The following PARP12 variants were observed in gnomAD, a reference collection of about 807,000 sequenced individuals.
PARP12 encodes protein mono-ADP-ribosyltransferase PARP12.
PARP12 carries 59 observed loss-of-function variants against 72.4 expected under a neutral mutation model. The observed-to-expected ratio is 0.81, with a 90% confidence interval of 0.66 to 1.01. PARP12 has a LOEUF of 1.01. PARP12 is among the 50% of genes least tolerant of loss of function. The probability of loss-of-function intolerance (pLI) is 0.00; values close to 1 mark genes in which losing one functional copy is unlikely to be tolerated. For missense variants in PARP12, 851 were observed against 914.0 expected (o/e 0.93, Z 0.89); for synonymous variants, 403 against 371.4 (o/e 1.09, Z -0.98).
chr7:140,030,781 A>G (rs1475679132), intron 8 of PARP12, among the ~76,000 whole-genome samples: 1 of 152,168 alleles, frequency 6.6e-6, no homozygotes, highest in Non-Finnish European at 1.5e-5. Context: ...TTAAAACATT[A>G]TGAGATTTTC....
At chr7:140,043,522 C>CT (rs1220730128) in intron 5 of PARP12, among the ~76,000 whole-genome samples, 7 of 151,932 alleles carry the variant, frequency 4.6e-5, no homozygotes, top group South Asian at 2.1e-4. Flanking sequence ...TTTTTTACTA[C>CT]TTTTTTTTAA....
Position 140,023,788 on chromosome 7 carries a change from CAT to C in PARP12, c.*770_*771del, listed in dbSNP as rs1285931548. The C allele has an allele frequency of 1.3e-5, 2 of 152,806 alleles. No homozygotes were observed. The highest frequency in any genetic ancestry group is 2.9e-5 in the Non-Finnish European group (2 of 68,154). 9.5% of individuals were successfully genotyped at this position (152,806 alleles called of 1,614,324 possible). A position where few individuals can be genotyped will look rare whatever the true frequency, so the allele number is the denominator to read the frequency against. On this transcript the variant is annotated 3_prime_UTR_variant, in exon 12 of 12. Coordinates refer to ENST00000263549, the MANE Select transcript of PARP12 (RefSeq NM_022750.4). Reference sequence around the variant, plus strand: ...CTTTTATTTCCATACTCTTTTGTGACATGTGTGGCACAAGTATTCAATCTCAC... The same window carrying C: ...CTTTTATTTCCATACTCTTTTGTGACGTGTGGCACAAGTATTCAATCTCAC...
At chr7:140,042,672 G>T (rs1157213945) in intron 5 of PARP12, among the ~76,000 whole-genome samples, 2 of 152,162 alleles carry the variant, frequency 1.3e-5, no homozygotes, top group Non-Finnish European at 2.9e-5. Flanking sequence ...CTGGAGAGGG[G>T]ACTTGCCTTG....
At position 140,027,341 on chromosome 7, in the gene PARP12, C is replaced by G. The variant is rs148381599; in HGVS notation, c.1563G>C (p.Leu521=). The stretch of plus-strand genomic sequence containing the variant: ...CAATCTTCTGAACAAAGTAGAAAGG[C>G]AGCGTGCGGTTAAAGAGGTTCCAGA... ...QKVWNLFNRT[L]PFYFVQKIER... Residue 521 remains leucine (L), a synonymous_variant, in exon 10 of 12, where the codon CTG becomes CTC. Coordinates refer to ENST00000263549, the MANE Select transcript of PARP12 (RefSeq NM_022750.4). 6.8e-6 allele frequency: 11 copies of G among 1,613,976 alleles called. No individual in the cohort carries two copies. The African/African-American group carries it at 1.5e-4, about 22-fold the overall frequency.
At chr7:140,027,176 G>A (rs1239574350) in intron 10 of PARP12, 100 bp downstream of exon 10, 2 of 1,489,842 alleles carry the variant, frequency 1.3e-6, no homozygotes, top group African/African-American at 1.4e-5. Context: ...AGCCCTAACT[G>A]CCGCTCTGCT....
intron 5 of PARP12, among the ~76,000 whole-genome samples, chr7:140,043,012 A>G (rs1180908475): frequency 2.0e-5 from 3 of 152,104 alleles, no homozygotes; most frequent in Non-Finnish European, 4.4e-5. Context: ...TGGCTAACAC[A>G]GTGAAACCCC....
In PARP12 at chr7:140,038,354, C is replaced by A. The variant is rs1816308334; in HGVS notation, c.1183-498G>T. ...TTTTTTAAATTATCCATTTCAATCC[C>A]TATCCTTCCACAATTACCTACAGGA... On this transcript the variant is annotated intron_variant, in intron 6 of 11. Transcript: ENST00000263549. The A allele has an allele frequency of 4.2e-6, 4 of 948,688 alleles. No individual in the cohort carries two copies. The South Asian group carries it at 1.5e-4, about 35-fold the overall frequency. The allele number at this position is 948,688 out of a possible 1,614,324, so 58.8% of individuals were successfully genotyped here. A position where few individuals can be genotyped will look rare whatever the true frequency, so the allele number is the denominator to read the frequency against.
chr7:140,060,222 G>C (rs1216031786), intron 1 of PARP12, among the ~76,000 whole-genome samples: 1 of 152,186 alleles, frequency 6.6e-6, no homozygotes, highest in East Asian at 1.9e-4. Context: ...AGCTAGCAAG[G>C]AGCAGAGCCC....
intron 4 of PARP12, among the ~76,000 whole-genome samples, chr7:140,048,411 G>A (rs74918946): frequency 1.6e-3 from 240 of 152,128 alleles, no homozygotes; most frequent in African/African-American, 5.4e-3. Flanking sequence ...CCTGTCAACA[G>A]CCTATGTGAG....
intron 5 of PARP12, among the ~76,000 whole-genome samples, chr7:140,045,241 C>A (rs1037368748): frequency 3.3e-5 from 5 of 152,014 alleles, no homozygotes; most frequent in African/African-American, 9.7e-5. Flanking sequence ...TTATGTTGCC[C>A]AGGCTAGTTG....
chr7:140,028,831 T>C (rs1815833916), intron 8 of PARP12, 143 bp from the exon 9 acceptor site: 2 of 648,874 alleles, frequency 3.1e-6, no homozygotes, highest in Admixed American at 5.6e-5. Flanking sequence ...CAAGGAAGAA[T>C]GTTAGCACGA....
In PARP12 at chr7:140,056,962, G is replaced by A. The variant is rs771024899; in HGVS notation, c.654C>T (p.Asp218=). The A allele has an allele frequency of 3.2e-5, 51 of 1,614,026 alleles. No individual in the cohort carries two copies. The highest frequency in any genetic ancestry group is 4.2e-5 in the Non-Finnish European group (50 of 1,180,024). ...EKLEKLGMSS[D]LVSRLPTIYR... Reference sequence around the variant, plus strand: ...AAATGGTAGGCAGCCTGCTCACCAGGTCTGAGCTCATACCCAACTTCTCCA... The same window carrying A: ...AAATGGTAGGCAGCCTGCTCACCAGATCTGAGCTCATACCCAACTTCTCCA... The change falls in exon 3 of 12, where the codon GAC becomes GAT. Residue 218 remains aspartate, a synonymous_variant. Transcript: ENST00000263549.
intron 1 of PARP12, 77 bp downstream of exon 1, chr7:140,062,445 G>A: frequency 1.4e-6 from 2 of 1,384,022 alleles, no homozygotes; most frequent in Non-Finnish European, 1.9e-6. Context: ...ACTTCAAGTA[G>A]GACCCCCAAG....
At chr7:140,055,624 C>A (rs570050032) in intron 3 of PARP12, among the ~76,000 whole-genome samples, 1 of 152,248 alleles carries the variant, frequency 6.6e-6, no homozygotes, top group African/African-American at 2.4e-5. Flanking sequence ...TCTCTCCCGA[C>A]GATGGTGACT....
At chr7:140,033,829 G>C (rs1316514782) in intron 8 of PARP12, 4 of 987,372 alleles carry the variant, frequency 4.1e-6, no homozygotes, top group African/African-American at 1.7e-5. Flanking sequence ...GGTATTCCGT[G>C]ATATTCAAAT....
chr7:140,024,155 G>A lies in PARP12; in HGVS notation c.*405C>T. The stretch of plus-strand genomic sequence containing the variant: ...GGGCTGTCATCCACCGGTGGCTACT[G>A]TGTCATTCTGGAAAAACTATGATGC... On this transcript the variant is annotated 3_prime_UTR_variant, in exon 12 of 12. Coordinates refer to ENST00000263549, the MANE Select transcript of PARP12 (RefSeq NM_022750.4). The A allele has an allele frequency of 3.3e-6, 1 of 305,314 alleles. No homozygotes were observed. The highest frequency in any genetic ancestry group is 2.9e-5 in the South Asian group (1 of 34,408). 18.9% of individuals were successfully genotyped at this position (305,314 alleles called of 1,614,324 possible). A position where few individuals can be genotyped will look rare whatever the true frequency, so the allele number is the denominator to read the frequency against.
At chr7:140,050,493 A>G (rs1321236599) in intron 4 of PARP12, among the ~76,000 whole-genome samples, 1 of 152,200 alleles carries the variant, frequency 6.6e-6, no homozygotes, top group Admixed American at 6.5e-5. Context: ...CACCATCACT[A>G]GAATGAGGGC....
Position 140,043,704 on chromosome 7 carries a change from T to C in PARP12, c.987-1865A>G, listed in dbSNP as rs140950957. Among the ~76,000 whole-genome samples the C allele has an allele frequency of 2.9e-3, 447 of 152,222 alleles. 2 individuals are homozygous for C. The highest frequency in any genetic ancestry group is 9.6e-3 in the African/African-American group (398 of 41,538). Reference sequence around the variant, plus strand: ...CACCACCACGCCCAGCTAATTTTTGTATTTTTTTGTGCAGACAGAGTTTCA... The same window carrying C: ...CACCACCACGCCCAGCTAATTTTTGCATTTTTTTGTGCAGACAGAGTTTCA... On this transcript the variant is annotated intron_variant, in intron 5 of 11. Coordinates refer to ENST00000263549, the MANE Select transcript of PARP12 (RefSeq NM_022750.4).
intron 4 of PARP12, 106 bp from the exon 5 acceptor site, chr7:140,047,113 T>C (rs1269554286): frequency 1.5e-6 from 2 of 1,302,164 alleles, no homozygotes; most frequent in East Asian, 5.4e-5. Flanking sequence ...GGGAACATTC[T>C]GAAATGTGTG....
Sources: allele counts gnomAD v4.1 joint callset (sites outside exome capture counted in the v4.1 genomes callset), GRCh38; gene constraint gnomAD v4.1.1; transcripts MANE v1.5; gene names NCBI Gene and HGNC (gene_info 2026-07-23, HGNC 2026-07-21).